ZNF529: variants seen among roughly 807,000 people sequenced by gnomAD.
ZNF529 encodes the protein zinc finger protein 529.
In ZNF529, 11 loss-of-function variants were observed where a neutral mutation model predicts 10.1. The observed-to-expected ratio is 1.09, with a 90% CI of 0.69 to 1.81. The LOEUF is 1.81. Ranked by LOEUF, ZNF529 falls within the 40% of genes most tolerant of loss-of-function variation. The probability of loss-of-function intolerance (pLI) is 0.00; values close to 1 mark genes in which losing one functional copy is unlikely to be tolerated. For missense variants in ZNF529, 624 were observed against 666.8 expected, an observed-to-expected ratio of 0.94 and a Z score of 0.71; for synonymous variants, 204 against 215.7, an observed-to-expected ratio of 0.95 and a Z score of 0.47.
chr19:36,557,633 G>C (rs2035530669), intron 2 of ZNF529, among the ~76,000 whole-genome samples: 1 of 152,196 alleles, frequency 6.6e-6, no homozygotes, highest in African/African-American at 2.4e-5. Flanking sequence ...GGTGAGTTTT[G>C]GGTGGAGATA....
At chr19:36,592,218 G>A (rs928765240) in intron 1 of ZNF529, among the ~76,000 whole-genome samples, 1 of 148,890 alleles carries the variant, frequency 6.7e-6, no homozygotes, top group Admixed American at 6.7e-5. Context: ...CCGGGAGGCG[G>A]AGGTTGCAGT....
intron 4 of ZNF529, among the ~76,000 whole-genome samples, chr19:36,554,186 A>G (rs1302477133): frequency 6.6e-6 from 1 of 152,224 alleles, no homozygotes; most frequent in Non-Finnish European, 1.5e-5. Flanking sequence ...CTAAGAAGGT[A>G]AGAATATCAT....
intron 3 of ZNF529, 23 bp downstream of exon 3, chr19:36,556,081 G>A: frequency 1.3e-6 from 2 of 1,548,736 alleles, no homozygotes; most frequent in Admixed American, 2.0e-5. Flanking sequence ...ATATCACAAA[G>A]AAAAGAGAAG....
chr19:36,565,703 A>T (rs1477077804), intron 2 of ZNF529, among the ~76,000 whole-genome samples: 1 of 152,186 alleles, frequency 6.6e-6, no homozygotes, highest in African/African-American at 2.4e-5. Flanking sequence ...CTGTCTCAAA[A>T]AAAAGAAAGA....
intron 2 of ZNF529, among the ~76,000 whole-genome samples, chr19:36,570,892 T>C (rs577199291): frequency 6.6e-6 from 1 of 152,206 alleles, no homozygotes; most frequent in Non-Finnish European, 1.5e-5. Flanking sequence ...TCTAGGTTTA[T>C]GTCCATATTA....
intron 2 of ZNF529, among the ~76,000 whole-genome samples, chr19:36,562,028 G>A (rs1311478593): frequency 6.6e-6 from 1 of 152,114 alleles, no homozygotes; most frequent in African/African-American, 2.4e-5. Context: ...CTGAGGTGGG[G>A]AGTTCAAGAC....
At chr19:36,551,244 C>T (rs1177529776) in intron 4 of ZNF529, among the ~76,000 whole-genome samples, 1 of 152,012 alleles carries the variant, frequency 6.6e-6, no homozygotes, top group African/African-American at 2.4e-5. Context: ...CTAAACAAAA[C>T]CAGAAAAATG....
chr19:36,581,491 ATGGAT>A (rs1457122377), intron 2 of ZNF529: 1 of 152,228 alleles, frequency 6.6e-6, no homozygotes. Context: ...CAGTGGATGA[ATGGAT>A]AAACAAAATG....
chr19:36,558,235 GA>G (rs1226454689), intron 2 of ZNF529, among the ~76,000 whole-genome samples: 2 of 150,912 alleles, frequency 1.3e-5, no homozygotes, highest in African/African-American at 4.9e-5. Context: ...AGGTGAGAGA[GA>G]AAAAAAAGGA....
chr19:36,561,383 C>CT (rs78597357), intron 2 of ZNF529, among the ~76,000 whole-genome samples: 4,498 of 137,298 alleles, frequency 0.033, 201 homozygotes, highest in African/African-American at 0.11. Context: ...AAAGAGATTT[C>CT]TTTTTTTTTT....
chr19:36,558,234 A>AG (rs2035554523), intron 2 of ZNF529, among the ~76,000 whole-genome samples: 2 of 152,096 alleles, frequency 1.3e-5, no homozygotes, highest in Admixed American at 6.6e-5. Flanking sequence ...GAGGTGAGAG[A>AG]GAAAAAAAAG....
At chr19:36,556,334 C>T (rs971200384) in intron 2 of ZNF529, 137 bp from the exon 3 acceptor site, 15 of 613,054 alleles carry the variant, frequency 2.4e-5, no homozygotes, top group Middle Eastern at 3.7e-4. Context: ...GTCTAGACTC[C>T]GTGAACCAAA....
At chr19:36,587,403 C>T (rs1053251220) in intron 2 of ZNF529, 5 of 152,162 alleles carry the variant, frequency 3.3e-5, no homozygotes, top group African/African-American at 4.8e-5. Flanking sequence ...CTCTTTTACC[C>T]TGCTAGTGGG....
At chr19:36,559,619 T>G (rs538987577) in intron 2 of ZNF529, among the ~76,000 whole-genome samples, 2 of 152,314 alleles carry the variant, frequency 1.3e-5, no homozygotes, top group Admixed American at 1.3e-4. Context: ...GTCAGTAACT[T>G]GAAGAGATAT....
chr19:36,604,162 A>G (rs926868339), intron 1 of ZNF529, among the ~76,000 whole-genome samples: 2 of 152,188 alleles, frequency 1.3e-5, no homozygotes, highest in East Asian at 3.9e-4. Context: ...CCTGGGCAAC[A>G]AGAGCAAAAC....
intron 1 of ZNF529, among the ~76,000 whole-genome samples, chr19:36,590,796 G>T (rs970652480): frequency 6.6e-6 from 1 of 151,750 alleles, no homozygotes; most frequent in African/African-American, 2.4e-5. Context: ...CAGGCATGGT[G>T]GCATGCGCCT....
At chr19:36,592,304 A>G (rs1448767968) in intron 1 of ZNF529, among the ~76,000 whole-genome samples, 66 of 149,440 alleles carry the variant, frequency 4.4e-4, no homozygotes, top group African/African-American at 1.5e-3. Flanking sequence ...AAAAAAAAAA[A>G]AAAGAAAGGC....
intron 4 of ZNF529, among the ~76,000 whole-genome samples, chr19:36,554,411 T>C (rs781427978): frequency 1.3e-5 from 2 of 152,144 alleles, no homozygotes; most frequent in Admixed American, 1.3e-4. Context: ...ACCCTGTCTC[T>C]ACTAAAAATA....
At chr19:36,604,079 C>T (rs1008049448) in intron 1 of ZNF529, among the ~76,000 whole-genome samples, 2 of 152,168 alleles carry the variant, frequency 1.3e-5, no homozygotes, top group African/African-American at 2.4e-5. Context: ...ACTCGGGAGG[C>T]TGAGGCAGGA....
Sources: gnomAD v4.1 joint callset for allele counts (sites outside exome capture counted in the v4.1 genomes callset) on GRCh38, gnomAD v4.1.1 for gene constraint, MANE v1.5 for transcripts, NCBI Gene and HGNC (gene_info 2026-07-23, HGNC 2026-07-21) for gene names.